Variants in SOD2 observed in about 807,000 individuals in gnomAD.
The protein encoded by SOD2 is superoxide dismutase [Mn], mitochondrial.
Under a neutral mutation model 27.0 loss-of-function variants are expected in SOD2, and 11 were observed. The observed-to-expected ratio is 0.41, with a 90% confidence interval of 0.26 to 0.67. The LOEUF is 0.67. SOD2 is among the 30% of genes least tolerant of loss of function. The pLI is 0.34. For synonymous variants in SOD2, 105 were observed against 103.0 expected (o/e 1.02, Z -0.12); for missense variants, 250 against 274.5 (o/e 0.91, Z 0.63).
At chr6:159,760,005 A>C (rs1398560656) in intron 1 of SOD2, among the ~76,000 whole-genome samples, 1 of 152,242 alleles carries the variant, frequency 6.6e-6, no homozygotes, top group Non-Finnish European at 1.5e-5. Context: ...GCAGTGTAAC[A>C]GGATCATCTT....
chr6:159,732,525 T>C (rs568153325), intron 1 of SOD2, among the ~76,000 whole-genome samples: 2 of 152,228 alleles, frequency 1.3e-5, no homozygotes, highest in Non-Finnish European at 2.9e-5. Flanking sequence ...AAATTGTCTT[T>C]AAGATTTTTT....
intron 1 of SOD2, among the ~76,000 whole-genome samples, chr6:159,716,232 C>T (rs1777919456): frequency 6.6e-6 from 1 of 152,142 alleles, no homozygotes; most frequent in African/African-American, 2.4e-5. Flanking sequence ...AATATAAGGA[C>T]ATATCTGTTT....
intron 2 of SOD2, among the ~76,000 whole-genome samples, chr6:159,688,679 G>A (rs187448785): frequency 1.3e-5 from 2 of 151,936 alleles, no homozygotes; most frequent in African/African-American, 2.4e-5. Flanking sequence ...ACTCAAAATT[G>A]AACTCCTGAT....
chr6:159,674,728 T>C lies in SOD2; in HGVS notation c.*7765A>G, dbSNP rs1014716634. 1 of 152,212 alleles carries C rather than the reference T, an allele frequency of 6.6e-6. No homozygotes were observed. The highest frequency in any genetic ancestry group is 1.5e-5 in the Non-Finnish European group (1 of 68,028). The allele number at this position is 152,212 out of a possible 1,614,324, so 9.4% of individuals were successfully genotyped here. On this transcript the variant is annotated 3_prime_UTR_variant, in exon 5 of 5. Transcript: ENST00000538183. ...CTCTCACCACTCCTATTCAACATAG[T>C]GTTGGAAGTTCTGGCCAGGGCCATC...
rs1342932620 is a variant in SOD2, at chr6:159,712,077, G to GACCTCCATAACC, written c.-116+15040_-116+15051dup. 2.1e-4 allele frequency among the ~76,000 whole-genome samples: 6 copies of GACCTCCATAACC among 28,722 alleles called. 2 individuals carry two copies. Among genetic ancestry groups the GACCTCCATAACC allele is most frequent in the African/African-American group, 5.9e-4 (6 of 10,130 alleles). The allele number at this position is 28,722 out of a possible 152,430, so 18.8% of individuals were successfully genotyped here. A position where few individuals can be genotyped will look rare whatever the true frequency, so the allele number is the denominator to read the frequency against. ...TCCATAACCACCACTCGGCTGCTCA[G>GACCTCCATAACC]ACCTCCATAACCACCTCCATAACCA... On this transcript the variant is annotated intron_variant, in intron 1 of 2. Coordinates refer to the SOD2 transcript ENST00000401980.
intron 1 of SOD2, among the ~76,000 whole-genome samples, chr6:159,739,200 A>G (rs1036905675): frequency 6.6e-6 from 1 of 152,206 alleles, no homozygotes; most frequent in African/African-American, 2.4e-5. Flanking sequence ...CCTATTTCTT[A>G]TATTAACACC....
intron 1 of SOD2, chr6:159,742,157 G>A: frequency 6.3e-7 from 1 of 1,595,998 alleles, no homozygotes; most frequent in African/African-American, 1.4e-5. Context: ...GTAAGTTTGA[G>A]TTTTAGCTTC....
intron 1 of SOD2, among the ~76,000 whole-genome samples, chr6:159,750,543 T>C (rs1332401103): frequency 1.3e-5 from 2 of 152,214 alleles, no homozygotes; most frequent in Admixed American, 6.5e-5. Context: ...TCAAGATAAT[T>C]TCTATGCATA....
chr6:159,716,552 C>T (rs1472075915), intron 1 of SOD2, among the ~76,000 whole-genome samples: 2 of 152,210 alleles, frequency 1.3e-5, no homozygotes, highest in African/African-American at 4.8e-5. Flanking sequence ...AACTGCTCAA[C>T]TGGCCAACTC....
At chr6:159,727,112 TC>T (rs1280562769) in intron 1 of SOD2, 5 of 1,192,834 alleles carry the variant, frequency 4.2e-6, no homozygotes, top group Non-Finnish European at 5.3e-6. Flanking sequence ...GCCCCTCCCC[TC>T]GGCCGCTTCC....
chr6:159,674,278 G>A lies in SOD2; in HGVS notation c.*8215C>T, dbSNP rs570332310. Reference sequence around the variant, plus strand: ...AGCATCATCCTGATACCAAAGCCTGGCAGAGACATAACAAAAAAAGAGAAC... The same window carrying A: ...AGCATCATCCTGATACCAAAGCCTGACAGAGACATAACAAAAAAAGAGAAC... On this transcript the variant is annotated 3_prime_UTR_variant, in exon 5 of 5. Coordinates refer to ENST00000538183, the MANE Select transcript of SOD2 (RefSeq NM_000636.4). 3 of 152,242 alleles carry A rather than the reference G, an allele frequency of 2.0e-5. No homozygotes were observed. In the East Asian group the frequency reaches 5.8e-4, roughly 29 times the overall value. 9.4% of individuals were successfully genotyped at this position (152,242 alleles called of 1,614,324 possible).
intron 1 of SOD2, among the ~76,000 whole-genome samples, chr6:159,757,534 T>C (rs1157331076): frequency 6.6e-6 from 1 of 151,828 alleles, no homozygotes; most frequent in Non-Finnish European, 1.5e-5. Flanking sequence ...TGCCTCAGAC[T>C]CCTGAGTAGC....
chr6:159,714,421 A>G (rs1343044914), intron 1 of SOD2, among the ~76,000 whole-genome samples: 2 of 152,038 alleles, frequency 1.3e-5, no homozygotes, highest in Non-Finnish European at 2.9e-5. Flanking sequence ...CGCACATTCC[A>G]TCAGTCCCTT....
upstream of SOD2, chr6:159,748,326 C>G (rs1779696875): frequency 6.2e-7 from 1 of 1,613,892 alleles, no homozygotes; most frequent in Non-Finnish European, 8.5e-7. The surrounding 1 kb of genome is among the most constrained non-coding windows in gnomAD (Gnocchi z 5.6). Flanking sequence ...CAAACTGGAA[C>G]AAGCCCAAAA....
rs1777940131 is a variant in SOD2 at position 159,717,419 on chromosome 6, AATT to A, written c.-116+9707_-116+9709del. ...CATGAGCCACTGTGCCTAACCATAAAATTATTATTTTTATTTGACACATAATAA... is the reference window on the plus strand; with the variant it reads ...CATGAGCCACTGTGCCTAACCATAAAATTATTTTTATTTGACACATAATAA... On this transcript the variant is annotated intron_variant, in intron 1 of 2. Transcript: ENST00000401980. 5.3e-5 allele frequency among the ~76,000 whole-genome samples: 8 copies of A among 152,196 alleles called. No individual in the cohort carries two copies. The South Asian group carries it at 1.5e-3, about 28-fold the overall frequency.
intron 1 of SOD2, among the ~76,000 whole-genome samples, chr6:159,734,923 G>A (rs2114889997): frequency 6.6e-6 from 1 of 151,570 alleles, no homozygotes. Context: ...TTTTGTGTGT[G>A]GATTTGTAGT....
upstream of SOD2, chr6:159,727,403 G>GGCGGGAGGCGGGAT: frequency 8.2e-7 from 1 of 1,224,326 alleles, no homozygotes; most frequent in South Asian, 1.4e-5. Flanking sequence ...GGAGGCGGGA[G>GGCGGGAGGCGGGAT]GCAGTGGCGC....
At chr6:159,721,098 C>T (rs1372709029) in intron 1 of SOD2, among the ~76,000 whole-genome samples, 3 of 148,692 alleles carry the variant, frequency 2.0e-5, no homozygotes, top group South Asian at 2.1e-4. Flanking sequence ...GACGGAGTCT[C>T]GCTCTGTCAC....
At chr6:159,724,125 C>T (rs1303889205) in intron 1 of SOD2, among the ~76,000 whole-genome samples, 2 of 151,756 alleles carry the variant, frequency 1.3e-5, no homozygotes, top group African/African-American at 4.8e-5. Context: ...TCCACCCCCA[C>T]CCCCGGATGA....
Sources: allele counts gnomAD v4.1 joint callset (sites outside exome capture counted in the v4.1 genomes callset), GRCh38; gene constraint gnomAD v4.1.1; non-coding constraint Gnocchi (gnomAD v3.1); transcripts MANE v1.5; gene names NCBI Gene and HGNC (gene_info 2026-07-23, HGNC 2026-07-21).